The following CYP3A43 variants were observed in gnomAD, a reference collection of about 807,000 sequenced individuals.
The protein encoded by CYP3A43 is cytochrome P450 3A43.
Under a neutral mutation model 58.0 loss-of-function variants are expected in CYP3A43, and 45 were observed. The observed-to-expected ratio is 0.78, with a 90% CI of 0.61 to 0.99. The LOEUF (loss-of-function observed/expected upper bound fraction) is 0.99. Ranked by LOEUF, CYP3A43 falls within the 50% of genes least tolerant of loss-of-function variation. The pLI, the probability that CYP3A43 is intolerant of heterozygous loss-of-function variation, is 0.00. For missense variants in CYP3A43, 593 were observed against 591.9 expected (o/e 1.00, Z -0.02); for synonymous variants, 191 against 201.4 (o/e 0.95, Z 0.44).
intron 1 of CYP3A43, among the ~76,000 whole-genome samples, chr7:99,833,093 A>G (rs1484757261): frequency 1.3e-5 from 2 of 152,230 alleles, no homozygotes; most frequent in Non-Finnish European, 2.9e-5. Context: ...CACTGGGATC[A>G]TGCAGACTTC....
At chr7:99,854,299 C>G (rs1308597976) in intron 7 of CYP3A43, among the ~76,000 whole-genome samples, 1 of 151,426 alleles carries the variant, frequency 6.6e-6, no homozygotes, top group African/African-American at 2.4e-5. Context: ...CTCTGCCTCC[C>G]GGGTTTAAGC....
At chr7:99,839,052 C>G in intron 2 of CYP3A43, 68 bp from the exon 3 acceptor site, 1 of 1,582,932 alleles carries the variant, frequency 6.3e-7, no homozygotes, top group Non-Finnish European at 8.7e-7. Flanking sequence ...GACTTTTTTG[C>G]CCTGGTTAAA....
intron 10 of CYP3A43, 133 bp downstream of exon 10, chr7:99,860,123 TGTAAAGA>T: frequency 8.8e-7 from 1 of 1,138,794 alleles, no homozygotes; most frequent in Non-Finnish European, 1.2e-6. Context: ...GCAGAAAGGC[TGTAAAGA>T]GTAAAAACAA....
intron 2 of CYP3A43, 38 bp downstream of exon 2, chr7:99,836,584 G>T (rs762322620): frequency 2.7e-6 from 4 of 1,461,858 alleles, no homozygotes; most frequent in African/African-American, 2.9e-5. Context: ...GCTTCTTATC[G>T]ATGCAAACCC....
chr7:99,858,537 T>C (rs1336635619), intron 9 of CYP3A43, among the ~76,000 whole-genome samples: 2 of 152,096 alleles, frequency 1.3e-5, no homozygotes, highest in African/African-American at 4.8e-5. Flanking sequence ...AGAATGGGCA[T>C]GTACTAAGGA....
chr7:99,851,080 C>T (rs1242249038), intron 7 of CYP3A43, among the ~76,000 whole-genome samples: 4 of 152,010 alleles, frequency 2.6e-5, no homozygotes, highest in Non-Finnish European at 5.9e-5. Flanking sequence ...GCAGGAGAAT[C>T]ACTGGAACCC....
intron 2 of CYP3A43, 73 bp from the exon 3 acceptor site, chr7:99,839,047 T>G (rs1214302898): frequency 7.0e-6 from 11 of 1,577,766 alleles, no homozygotes; most frequent in Non-Finnish European, 9.6e-6. Flanking sequence ...GATTTGACTT[T>G]TTTGCCCTGG....
intron 12 of CYP3A43, 37 bp from the exon 13 acceptor site, chr7:99,865,869 T>G: frequency 6.9e-7 from 1 of 1,444,760 alleles, no homozygotes; most frequent in East Asian, 2.3e-5. Context: ...CTTCATTTGC[T>G]TCATTGTTTC....
rs181556882 is a variant in CYP3A43 at position 99,839,746 on chromosome 7, G to T, written c.218+574G>T. 1.6e-4 allele frequency among the ~76,000 whole-genome samples: 25 copies of T among 152,302 alleles called. No individual in the cohort carries two copies. The East Asian group carries it at 4.4e-3, about 27-fold the overall frequency. ...TGGGTCTTCTGACCTGCGGTAAAGT[G>T]CAGGAGGTTTTATAGATGAGCTTGA... On this transcript the variant is annotated intron_variant, in intron 3 of 12. Coordinates refer to ENST00000354829, the MANE Select transcript of CYP3A43 (RefSeq NM_057095.3).
chr7:99,845,881 T>C (rs965689001), intron 4 of CYP3A43, among the ~76,000 whole-genome samples: 4 of 151,986 alleles, frequency 2.6e-5, no homozygotes, highest in Admixed American at 1.3e-4. Context: ...GTTCAAGCGA[T>C]TCTCCTGCCT....
rs1361383668 is a variant in CYP3A43, at chr7:99,861,676, C to T, written c.1090C>T (p.Leu364Phe). The T allele has an allele frequency of 6.2e-7, 1 of 1,614,006 alleles. No homozygotes were observed. The highest frequency in any genetic ancestry group is 8.5e-7 in the Non-Finnish European group (1 of 1,180,020). ...CCTTGACATGGTGGTGAATGAAACG[C>T]TCAGATTATTCCCAGTTGTTAGTAG... ...EYLDMVVNET[L>F]RLFPVVSRVT... Residue 364 changes from leucine (L) to phenylalanine (F), a missense_variant, in exon 11 of 13, where the codon CTC becomes TTC. Physicochemically the swap from Leu to Phe is conservative, Grantham distance 22. Transcript: ENST00000354829.
chr7:99,856,711 C>G (rs1817993591), intron 8 of CYP3A43, 122 bp from the exon 9 acceptor site: 1 of 939,298 alleles, frequency 1.1e-6, no homozygotes, highest in South Asian at 1.4e-5. Flanking sequence ...AGGCAACACC[C>G]ATTACACTTC....
At chr7:99,834,811 C>A (rs762740466) in intron 1 of CYP3A43, among the ~76,000 whole-genome samples, 3 of 152,152 alleles carry the variant, frequency 2.0e-5, no homozygotes, top group Non-Finnish European at 4.4e-5. Flanking sequence ...TTTTAACAAC[C>A]AAACACTGGT....
chr7:99,861,864 C>A (rs1818251021), intron 11 of CYP3A43, 25 bp downstream of exon 11: 1 of 1,582,642 alleles, frequency 6.3e-7, no homozygotes, highest in Admixed American at 1.7e-5. Context: ...GGAAAGGAGC[C>A]TTCCCTCAAC....
rs111309713 is a variant in CYP3A43 at position 99,841,617 on chromosome 7, A to C, written c.218+2445A>C. Among the ~76,000 whole-genome samples, 1,502 of 152,188 alleles carry C rather than the reference A, an allele frequency of 9.9e-3. 27 individuals are homozygous for C. Among genetic ancestry groups the C allele is most frequent in the African/African-American group, 0.035 (1,451 of 41,520 alleles). On this transcript the variant is annotated intron_variant, in intron 3 of 12. Coordinates refer to ENST00000354829, the MANE Select transcript of CYP3A43 (RefSeq NM_057095.3). ...TTCCCCATGTTTGCCAGCTGGTCTC[A>C]AACTCCTGACCTCAGGTGATCTGCC...
chr7:99,852,529 T>C (rs1817801047), intron 7 of CYP3A43, among the ~76,000 whole-genome samples: 1 of 152,234 alleles, frequency 6.6e-6, no homozygotes, highest in Non-Finnish European at 1.5e-5. Flanking sequence ...ATGTTATTCC[T>C]GATAAGTGTA....
At chr7:99,863,403 A>G (rs1486055341) in intron 11 of CYP3A43, 134 bp from the exon 12 acceptor site, 1 of 536,898 alleles carries the variant, frequency 1.9e-6, no homozygotes, top group African/African-American at 1.9e-5. Context: ...GTGGTGGCTA[A>G]CACCTGTAAT....
chr7:99,848,048 G>T, intron 5 of CYP3A43, 118 bp from the exon 6 acceptor site: 3 of 1,009,524 alleles, frequency 3.0e-6, no homozygotes, highest in Non-Finnish European at 4.5e-6. Context: ...TTCTATTTAT[G>T]TCCTAGAGGA....
chr7:99,859,184 T>C (rs1332959277), intron 9 of CYP3A43, among the ~76,000 whole-genome samples: 1 of 152,156 alleles, frequency 6.6e-6, no homozygotes. Flanking sequence ...AATTACCACA[T>C]CTCATGAAAG....
Sources: allele counts gnomAD v4.1 joint callset (sites outside exome capture counted in the v4.1 genomes callset), GRCh38; gene constraint gnomAD v4.1.1; transcripts MANE v1.5; gene names NCBI Gene and HGNC (gene_info 2026-07-23, HGNC 2026-07-21).